Variants in SRGAP3 observed in about 807,000 individuals in gnomAD.
The protein encoded by SRGAP3 is SLIT-ROBO Rho GTPase activating protein 3, also known as SLIT-ROBO Rho GTPase-activating protein 3.
SRGAP3 carries 39 observed loss-of-function variants against 121.1 expected under a neutral mutation model. The ratio of observed to expected loss-of-function variants is 0.32; its 90% CI spans 0.25 to 0.42. SRGAP3 has a LOEUF of 0.42. Among genes scored for constraint, SRGAP3 ranks in the 10% least tolerant of loss-of-function variants. The probability of loss-of-function intolerance (pLI) is 1.00; values close to 1 mark genes in which losing one functional copy is unlikely to be tolerated. For synonymous variants in SRGAP3, 601 were observed against 570.0 expected, an observed-to-expected ratio of 1.05 and a Z score of -0.77; for missense variants, 1,213 against 1,470.6, an observed-to-expected ratio of 0.82 and a Z score of 2.86.
intron 1 of SRGAP3, among the ~76,000 whole-genome samples, chr3:9,148,940 G>C (rs1423835167): frequency 6.6e-6 from 1 of 152,194 alleles, no homozygotes; most frequent in East Asian, 1.9e-4. Flanking sequence ...TGGAGACTGG[G>C]TATGGGGGCT....
chr3:9,179,768 C>G (rs1159122039), intron 1 of SRGAP3, among the ~76,000 whole-genome samples: 2 of 152,242 alleles, frequency 1.3e-5, no homozygotes, highest in Non-Finnish European at 2.9e-5. Flanking sequence ...TTGCAACACA[C>G]TTCCAAGGTG....
intron 3 of SRGAP3, among the ~76,000 whole-genome samples, chr3:9,311,558 G>A (rs749703165): frequency 6.6e-6 from 1 of 152,194 alleles, no homozygotes; most frequent in Non-Finnish European, 1.5e-5. Flanking sequence ...CAATGAATGC[G>A]TGTGGCTGCA....
intron 3 of SRGAP3, among the ~76,000 whole-genome samples, chr3:9,096,005 G>A (rs1361658900): frequency 6.6e-6 from 1 of 151,930 alleles, no homozygotes; most frequent in African/African-American, 2.4e-5. Flanking sequence ...CCAGGAGTTC[G>A]AGGCTGCAGT....
intron 4 of SRGAP3, among the ~76,000 whole-genome samples, chr3:9,077,019 T>C (rs945290687): frequency 5.3e-5 from 8 of 152,292 alleles, no homozygotes; most frequent in African/African-American, 1.7e-4. Context: ...ACGTGCAGGT[T>C]TGTTACGTAG....
In SRGAP3 at chr3:9,329,445, C is replaced by G. The variant is rs901627376; in HGVS notation, n.283+1083G>C. Among the ~76,000 whole-genome samples the G allele has an allele frequency of 2.6e-5, 4 of 152,114 alleles. 1 individual carries two copies. The stretch of plus-strand genomic sequence containing the variant: ...ATAGCAAAATACGTGTGATAAAACA[C>G]AGACATTAGCTACTCTGCTTAGCAC... On this transcript the variant is annotated intron_variant and non_coding_transcript_variant, in intron 2 of 3. Transcript: ENST00000490889.
At chr3:9,152,412 T>A (rs759927343) in intron 1 of SRGAP3, among the ~76,000 whole-genome samples, 10 of 152,194 alleles carry the variant, frequency 6.6e-5, no homozygotes, top group Admixed American at 3.3e-4. Flanking sequence ...TGTCTCTCTC[T>A]CTCTGTCTCT....
chr3:9,076,266 C>T (rs1484629497), intron 4 of SRGAP3, among the ~76,000 whole-genome samples: 1 of 152,176 alleles, frequency 6.6e-6, no homozygotes, highest in Non-Finnish European at 1.5e-5. Context: ...GTTTGTTACA[C>T]AGCAACTGAT....
intron 3 of SRGAP3, 71 bp from the exon 4 acceptor site, chr3:9,080,158 A>T: frequency 1.1e-5 from 17 of 1,533,492 alleles, no homozygotes; most frequent in Non-Finnish European, 1.5e-5. Flanking sequence ...TCTTTTCAAA[A>T]GCGAAAGGTC....
chr3:9,084,017 A>T (rs747249794), intron 3 of SRGAP3, among the ~76,000 whole-genome samples: 39 of 152,110 alleles, frequency 2.6e-4, no homozygotes, highest in Non-Finnish European at 4.6e-4. Flanking sequence ...CTGTTCCCCC[A>T]TCCCTTCAAT....
intron 1 of SRGAP3, among the ~76,000 whole-genome samples, chr3:9,179,103 G>A (rs986292440): frequency 5.9e-5 from 9 of 152,160 alleles, no homozygotes; most frequent in Non-Finnish European, 1.2e-4. Context: ...ATACACCAAG[G>A]CTTCAGGACA....
At chr3:9,163,983 ATTCTT>A (rs1950690710) in intron 1 of SRGAP3, among the ~76,000 whole-genome samples, 1 of 92,576 alleles carries the variant, frequency 1.1e-5, no homozygotes, top group Non-Finnish European at 2.1e-5. Flanking sequence ...AGCAACTACT[ATTCTT>A]TTTTTTTTTT....
intron 1 of SRGAP3, among the ~76,000 whole-genome samples, chr3:9,219,911 T>G (rs557874756): frequency 1.3e-5 from 2 of 152,270 alleles, no homozygotes; most frequent in East Asian, 3.9e-4. Flanking sequence ...GGTCATTATG[T>G]TAAGTGAAAT....
At position 8,981,686 on chromosome 3, in the gene SRGAP3, C is replaced by G. The variant is rs939094649; in HGVS notation, c.*3833G>C. On this transcript the variant is annotated 3_prime_UTR_variant, in exon 22 of 22. Transcript: ENST00000383836. ...TCCCACACTGGTTCCTCTTTGTGTACCACAAACCGGTTTTAAATGTTTATA... is the reference window on the plus strand; with the variant it reads ...TCCCACACTGGTTCCTCTTTGTGTAGCACAAACCGGTTTTAAATGTTTATA... 1 of 231,958 alleles carries G rather than the reference C, an allele frequency of 4.3e-6. No individual in the cohort carries two copies. Among genetic ancestry groups the G allele is most frequent in the Non-Finnish European group, 8.5e-6 (1 of 117,020 alleles). 14.4% of individuals were successfully genotyped at this position (231,958 alleles called of 1,614,324 possible).
At chr3:9,338,947 T>TA (rs1434963541) in intron 1 of SRGAP3, among the ~76,000 whole-genome samples, 6 of 152,160 alleles carry the variant, frequency 3.9e-5, no homozygotes, top group African/African-American at 7.2e-5. Context: ...TTTCATAAGC[T>TA]AAAAAACGTG....
chr3:9,304,063 G>A (rs2125275839), intron 3 of SRGAP3, among the ~76,000 whole-genome samples: 1 of 152,290 alleles, frequency 6.6e-6, no homozygotes, highest in African/African-American at 2.4e-5. Flanking sequence ...ATTCTGTCCA[G>A]GGTCGCACTG....
intron 1 of SRGAP3, among the ~76,000 whole-genome samples, chr3:9,134,166 G>A (rs930440083): frequency 6.6e-6 from 1 of 152,176 alleles, no homozygotes; most frequent in Non-Finnish European, 1.5e-5. Context: ...TGGCTTTCCT[G>A]GGTTAGTAAG....
intron 3 of SRGAP3, among the ~76,000 whole-genome samples, chr3:9,087,689 T>A (rs1575055041): frequency 1.3e-5 from 2 of 151,958 alleles, no homozygotes; most frequent in Non-Finnish European, 2.9e-5. Flanking sequence ...AGAGGTTGGG[T>A]CAGATCACAG....
intron 3 of SRGAP3, among the ~76,000 whole-genome samples, chr3:9,324,817 C>T (rs1368579824): frequency 6.6e-6 from 1 of 151,636 alleles, no homozygotes; most frequent in African/African-American, 2.4e-5. Context: ...ATTAACTGGG[C>T]GAGGTGGCAG....
chr3:9,047,324 AG>A, intron 10 of SRGAP3, 66 bp downstream of exon 10: 8 of 1,524,016 alleles, frequency 5.2e-6, no homozygotes, highest in Non-Finnish European at 7.2e-6. Flanking sequence ...TCAACACGTC[AG>A]GGGGCCACAG....
Sources: gnomAD v4.1 joint callset for allele counts (sites outside exome capture counted in the v4.1 genomes callset) on GRCh38, gnomAD v4.1.1 for gene constraint, MANE v1.5 for transcripts, NCBI Gene and HGNC (gene_info 2026-07-23, HGNC 2026-07-21) for gene names.